The following HS6ST3 variants were observed in gnomAD, a reference collection of about 807,000 sequenced individuals.
HS6ST3 encodes the protein heparan-sulfate 6-O-sulfotransferase 3.
HS6ST3 carries 12 observed loss-of-function variants against 36.7 expected under a neutral mutation model. That is an observed-to-expected ratio of 0.33 (90% confidence interval 0.21 to 0.53). The LOEUF is 0.53. Among genes scored for constraint, HS6ST3 ranks in the 20% least tolerant of loss-of-function variants. The pLI is 0.95. For missense variants in HS6ST3, 584 were observed against 640.9 expected (o/e 0.91, Z 0.96); for synonymous variants, 240 against 257.5 (o/e 0.93, Z 0.65).
At chr13:96,256,108 A>C (rs1180844113) in intron 1 of HS6ST3, among the ~76,000 whole-genome samples, 7 of 152,200 alleles carry the variant, frequency 4.6e-5, no homozygotes, top group Non-Finnish European at 1.0e-4. Context: ...AGATCAGCGA[A>C]ATATTCAAAT....
intron 1 of HS6ST3, among the ~76,000 whole-genome samples, chr13:96,777,374 G>A (rs1243459670): frequency 6.6e-6 from 1 of 152,210 alleles, no homozygotes; most frequent in East Asian, 1.9e-4. Context: ...AATAGGAAGA[G>A]AGGAAGTCAA....
At chr13:96,721,038 G>A (rs1268841963) in intron 1 of HS6ST3, among the ~76,000 whole-genome samples, 1 of 152,106 alleles carries the variant, frequency 6.6e-6, no homozygotes, top group East Asian at 1.9e-4. Flanking sequence ...GCAGATAGCG[G>A]GGACCTAGAA....
At chr13:96,712,313 G>T (rs1051454159) in intron 1 of HS6ST3, among the ~76,000 whole-genome samples, 4 of 152,100 alleles carry the variant, frequency 2.6e-5, no homozygotes, top group South Asian at 2.1e-4. Flanking sequence ...TTGATATCCA[G>T]ATCTCTATAG....
chr13:96,690,922 T>C (rs747838639), intron 1 of HS6ST3, among the ~76,000 whole-genome samples: 11 of 152,088 alleles, frequency 7.2e-5, no homozygotes, highest in Non-Finnish European at 1.6e-4. Context: ...ATAAATTATT[T>C]ATAGAGAAAC....
At chr13:96,385,948 G>A (rs971295589) in intron 1 of HS6ST3, among the ~76,000 whole-genome samples, 1 of 152,150 alleles carries the variant, frequency 6.6e-6, no homozygotes, top group Non-Finnish European at 1.5e-5. Context: ...CTATGTACAT[G>A]TAGTGCCTGC....
intron 1 of HS6ST3, among the ~76,000 whole-genome samples, chr13:96,188,239 TTAG>T (rs2054273366): frequency 6.6e-6 from 1 of 152,162 alleles, no homozygotes; most frequent in Non-Finnish European, 1.5e-5. Context: ...TGGCTATAGT[TTAG>T]TAAGTATGAT....
intron 1 of HS6ST3, among the ~76,000 whole-genome samples, chr13:96,183,743 A>G (rs1056516222): frequency 6.6e-6 from 1 of 152,208 alleles, no homozygotes; most frequent in African/African-American, 2.4e-5. Flanking sequence ...TGGAGACAGA[A>G]AACAGTGGTT....
chr13:96,490,495 G>A (rs1009028470), intron 1 of HS6ST3, among the ~76,000 whole-genome samples: 1 of 152,112 alleles, frequency 6.6e-6, no homozygotes. Context: ...GTATTACAAT[G>A]CTAAAAGATT....
At chr13:96,240,919 G>A (rs1015226906) in intron 1 of HS6ST3, among the ~76,000 whole-genome samples, 22 of 152,212 alleles carry the variant, frequency 1.4e-4, no homozygotes, top group African/African-American at 5.1e-4. Flanking sequence ...AAGTGTTTAC[G>A]AGTTAGAATG....
At chr13:96,492,251 A>T (rs767662231) in intron 1 of HS6ST3, among the ~76,000 whole-genome samples, 1 of 152,202 alleles carries the variant, frequency 6.6e-6, no homozygotes, top group Non-Finnish European at 1.5e-5. Flanking sequence ...CCCATTCTGC[A>T]GACAGTGACA....
chr13:96,748,979 G>A (rs910156965), intron 1 of HS6ST3, among the ~76,000 whole-genome samples: 1 of 151,956 alleles, frequency 6.6e-6, no homozygotes, highest in Non-Finnish European at 1.5e-5. Context: ...GGAAATAAAT[G>A]TCTCAGTTAA....
intron 1 of HS6ST3, among the ~76,000 whole-genome samples, chr13:96,274,847 A>T (rs1206068324): frequency 5.1e-5 from 2 of 39,552 alleles, no homozygotes. Context: ...CTTCACACAC[A>T]CACACACACA....
chr13:96,439,377 G>T (rs1264326532), intron 1 of HS6ST3, among the ~76,000 whole-genome samples: 1 of 152,234 alleles, frequency 6.6e-6, no homozygotes, highest in Non-Finnish European at 1.5e-5. Flanking sequence ...TAGCAAGATG[G>T]TTCCGTTTGT....
intron 1 of HS6ST3, among the ~76,000 whole-genome samples, chr13:96,513,002 G>T (rs1007670929): frequency 6.6e-6 from 1 of 151,498 alleles, no homozygotes. Flanking sequence ...GTTCTTATAC[G>T]CTTGAGAATA....
intron 1 of HS6ST3, among the ~76,000 whole-genome samples, chr13:96,554,199 CA>C (rs2056230851): frequency 6.6e-6 from 1 of 152,050 alleles, no homozygotes; most frequent in Non-Finnish European, 1.5e-5. Flanking sequence ...AGAAGGAAAA[CA>C]AGGAGCAATA....
chr13:96,111,463 A>T (rs2053867989), intron 1 of HS6ST3, among the ~76,000 whole-genome samples: 1 of 152,204 alleles, frequency 6.6e-6, no homozygotes, highest in Non-Finnish European at 1.5e-5. Context: ...TTAAACAGGA[A>T]CTTAAGCTTT....
intron 1 of HS6ST3, among the ~76,000 whole-genome samples, chr13:96,498,491 C>T (rs2055988286): frequency 6.6e-6 from 1 of 152,150 alleles, no homozygotes; most frequent in African/African-American, 2.4e-5. Context: ...GTTTAAATGT[C>T]TCCTCCTGAT....
At chr13:96,412,096 C>T (rs911246434) in intron 1 of HS6ST3, among the ~76,000 whole-genome samples, 2 of 152,078 alleles carry the variant, frequency 1.3e-5, no homozygotes, top group African/African-American at 2.4e-5. Context: ...CCTCCGCCTC[C>T]TGGGTTCAAG....
At chr13:96,239,388 G>A (rs954131557) in intron 1 of HS6ST3, among the ~76,000 whole-genome samples, 3 of 152,148 alleles carry the variant, frequency 2.0e-5, no homozygotes, top group African/African-American at 7.2e-5. Context: ...CTCTATAAAT[G>A]AAATCAATCA....
Sources: gnomAD v4.1 joint callset for allele counts (sites outside exome capture counted in the v4.1 genomes callset) on GRCh38, gnomAD v4.1.1 for gene constraint, MANE v1.5 for transcripts, NCBI Gene and HGNC (gene_info 2026-07-23, HGNC 2026-07-21) for gene names.